LRRC7: variants seen among roughly 807,000 people sequenced by gnomAD.
LRRC7 encodes the protein leucine-rich repeat-containing protein 7.
In LRRC7, 23 loss-of-function variants were observed where a neutral mutation model predicts 175.7. That is an observed-to-expected ratio of 0.13 (90% CI 0.09 to 0.19). LRRC7 has a LOEUF of 0.19. LRRC7 is among the 10% of genes least tolerant of loss of function. The probability of loss-of-function intolerance (pLI) is 1.00; values close to 1 mark genes in which losing one functional copy is unlikely to be tolerated. For synonymous variants in LRRC7, 685 were observed against 680.9 expected, an observed-to-expected ratio of 1.01 and a Z score of -0.09; for missense variants, 1,354 against 1,904.7, an observed-to-expected ratio of 0.71 and a Z score of 5.38.
At position 69,792,110 on chromosome 1, in the gene LRRC7, C is replaced by A; in HGVS notation, c.371C>A (p.Thr124Asn). ...IPDNDLSNLP[T>N]TIASLVNLKE... ...GATAACGACCTTTCAAATCTGCCAA[C>A]CACTATTGCTAGTTTAGTTAATCTT... is the stretch of plus-strand genomic sequence containing the variant. The change falls in exon 4 of 27, where the codon ACC (threonine) becomes AAC (asparagine). Residue 124 changes from threonine to asparagine, a missense_variant. Physicochemically the swap from Thr to Asn is moderately conservative, Grantham distance 65. Coordinates refer to ENST00000651989, the MANE Select transcript of LRRC7 (RefSeq NM_001370785.2). 6.2e-7 allele frequency: 1 copy of A among 1,610,562 alleles called. No individual in the cohort carries two copies. The highest frequency in any genetic ancestry group is 1.1e-5 in the South Asian group (1 of 90,764).
intron 4 of LRRC7, among the ~76,000 whole-genome samples, chr1:69,797,730 T>G (rs1351729907): frequency 6.6e-6 from 1 of 152,134 alleles, no homozygotes; most frequent in African/African-American, 2.4e-5. Flanking sequence ...CTCCACAAAA[T>G]AGCTTTAGCA....
intron 7 of LRRC7, among the ~76,000 whole-genome samples, chr1:69,917,379 T>G (rs577792779): frequency 6.6e-6 from 1 of 152,266 alleles, no homozygotes; most frequent in South Asian, 2.1e-4. Flanking sequence ...CCACCAGTGC[T>G]TACTTTCATG....
intron 11 of LRRC7, among the ~76,000 whole-genome samples, chr1:70,006,652 C>A (rs1469004494): frequency 1.3e-5 from 2 of 152,048 alleles, no homozygotes; most frequent in Admixed American, 1.3e-4. Flanking sequence ...TTCGACACAC[C>A]TACCTGAAGT....
chr1:69,868,615 G>C (rs1685179593), intron 7 of LRRC7, among the ~76,000 whole-genome samples: 1 of 152,162 alleles, frequency 6.6e-6, no homozygotes, highest in East Asian at 1.9e-4. Context: ...CACTGTGGGG[G>C]TTTGCTACAT....
Position 69,600,051 on chromosome 1 carries a change from C to T in LRRC7, c.2+31410C>T, listed in dbSNP as rs148948369. Reference sequence around the variant, plus strand: ...CACTCCACCTCTAGGCTTTACCTTACAGGTCAGGCAAAACAATTCTTAAAA... The same window carrying T: ...CACTCCACCTCTAGGCTTTACCTTATAGGTCAGGCAAAACAATTCTTAAAA... On this transcript the variant is annotated intron_variant, in intron 1 of 26. Coordinates refer to ENST00000651989, the MANE Select transcript of LRRC7 (RefSeq NM_001370785.2). 1.4e-3 allele frequency among the ~76,000 whole-genome samples: 212 copies of T among 152,208 alleles called. 1 individual carries two copies. Among genetic ancestry groups the T allele is most frequent in the Non-Finnish European group, 2.4e-3 (160 of 68,016 alleles).
At chr1:69,740,658 C>T (rs563866508) in intron 2 of LRRC7, among the ~76,000 whole-genome samples, 10 of 152,040 alleles carry the variant, frequency 6.6e-5, no homozygotes, top group Non-Finnish European at 1.0e-4. Context: ...GAACAGGGTT[C>T]GAGCAGTTGG....
At chr1:69,982,756 C>T (rs749169600) in intron 9 of LRRC7, among the ~76,000 whole-genome samples, 2 of 152,262 alleles carry the variant, frequency 1.3e-5, no homozygotes, top group Non-Finnish European at 2.9e-5. Flanking sequence ...TCTTCTTTTA[C>T]TTGTGGCTTC....
chr1:69,696,780 T>A (rs1662649010), intron 2 of LRRC7, among the ~76,000 whole-genome samples: 2 of 152,212 alleles, frequency 1.3e-5, no homozygotes, highest in Admixed American at 6.5e-5. Context: ...CTTCCACTCG[T>A]CATGTGATAT....
chr1:69,857,468 T>C (rs1408055027), intron 7 of LRRC7, among the ~76,000 whole-genome samples: 1 of 151,842 alleles, frequency 6.6e-6, no homozygotes, highest in Non-Finnish European at 1.5e-5. Context: ...TATACACCAA[T>C]AACAGACAAA....
chr1:69,845,642 C>T (rs1682275255), intron 7 of LRRC7, among the ~76,000 whole-genome samples: 1 of 151,850 alleles, frequency 6.6e-6, no homozygotes. Context: ...GTCATGTTTC[C>T]ATTCTCATTT....
intron 11 of LRRC7, among the ~76,000 whole-genome samples, chr1:69,998,209 C>G (rs994477288): frequency 1.3e-5 from 2 of 152,126 alleles, no homozygotes; most frequent in African/African-American, 2.4e-5. Context: ...TTTGACGTAG[C>G]TAAGAAGCCT....
chr1:70,098,807 T>G lies in LRRC7; in HGVS notation c.4546-8945T>G, dbSNP rs1328656119. On this transcript the variant is annotated intron_variant, in intron 25 of 26. Coordinates refer to ENST00000651989, the MANE Select transcript of LRRC7 (RefSeq NM_001370785.2). ...ATCTCTGAATAGACCAATAACAGGATCTGAAATTGTGGCAATAATCAATAG... is the reference window on the plus strand; with the variant it reads ...ATCTCTGAATAGACCAATAACAGGAGCTGAAATTGTGGCAATAATCAATAG... Among the ~76,000 whole-genome samples, 200 of 150,880 alleles carry G rather than the reference T, an allele frequency of 1.3e-3. 1 individual carries two copies. The highest frequency in any genetic ancestry group is 4.5e-3 in the African/African-American group (185 of 41,150).
At chr1:69,848,826 A>C (rs1682659234) in intron 7 of LRRC7, among the ~76,000 whole-genome samples, 1 of 152,134 alleles carries the variant, frequency 6.6e-6, no homozygotes, top group African/African-American at 2.4e-5. Context: ...ATTAAAAATA[A>C]AAATTCACAT....
intron 7 of LRRC7, among the ~76,000 whole-genome samples, chr1:69,863,911 C>T (rs1684629538): frequency 1.3e-5 from 2 of 152,042 alleles, no homozygotes; most frequent in African/African-American, 4.8e-5. Context: ...AGATAATGGC[C>T]CTTCATGACC....
chr1:69,696,327 G>A (rs1226553275), intron 2 of LRRC7, among the ~76,000 whole-genome samples: 1 of 152,174 alleles, frequency 6.6e-6, no homozygotes, highest in Admixed American at 6.5e-5. Flanking sequence ...CTTTCTTTTG[G>A]CTGATTTCTC....
intron 5 of LRRC7, among the ~76,000 whole-genome samples, chr1:69,833,488 A>G (rs1680755500): frequency 6.6e-6 from 1 of 152,120 alleles, no homozygotes; most frequent in African/African-American, 2.4e-5. Flanking sequence ...GTACACATAT[A>G]TTCTTTTATA....
intron 6 of LRRC7, among the ~76,000 whole-genome samples, chr1:69,835,084 A>G (rs1397536614): frequency 6.6e-6 from 1 of 151,974 alleles, no homozygotes; most frequent in Admixed American, 6.6e-5. Context: ...TAAATTCTAG[A>G]TGAATTAAAG....
chr1:69,877,661 A>T (rs1570459486), intron 7 of LRRC7, among the ~76,000 whole-genome samples: 2 of 152,104 alleles, frequency 1.3e-5, no homozygotes, highest in Non-Finnish European at 1.5e-5. Context: ...GTTAATCCCC[A>T]TTCTAATCTC....
chr1:69,710,970 C>G (rs1167307050), intron 2 of LRRC7, among the ~76,000 whole-genome samples: 3 of 152,130 alleles, frequency 2.0e-5, no homozygotes, highest in Non-Finnish European at 2.9e-5. Flanking sequence ...TCAAGTGACT[C>G]CTAGGGCTTA....
Sources: gnomAD v4.1 joint callset for allele counts (sites outside exome capture counted in the v4.1 genomes callset) on GRCh38, gnomAD v4.1.1 for gene constraint, MANE v1.5 for transcripts, NCBI Gene and HGNC (gene_info 2026-07-23, HGNC 2026-07-21) for gene names.